Variants in DARS1 observed in about 807,000 individuals in gnomAD.
The protein encoded by DARS1 is aspartyl-tRNA synthetase 1.
Under a neutral mutation model 68.8 loss-of-function variants are expected in DARS1, and 51 were observed. The observed-to-expected ratio is 0.74, with a 90% CI of 0.59 to 0.94. The LOEUF (loss-of-function observed/expected upper bound fraction) is 0.94. Among genes scored for constraint, DARS1 ranks in the 40% least tolerant of loss-of-function variants. DARS1 has a pLI of 0.00. For synonymous variants in DARS1, 203 were observed against 190.4 expected (o/e 1.07, Z -0.55); for missense variants, 607 against 597.3 (o/e 1.02, Z -0.17).
chr2:135,975,551 T>C (rs920326310), intron 3 of DARS1, among the ~76,000 whole-genome samples: 1 of 151,986 alleles, frequency 6.6e-6, no homozygotes, highest in African/African-American at 2.4e-5. Context: ...CCCAGCACTT[T>C]GGGAGGTCGA....
intron 7 of DARS1, among the ~76,000 whole-genome samples, chr2:135,928,760 T>A (rs1681279098): frequency 6.6e-6 from 1 of 150,616 alleles, no homozygotes; most frequent in Admixed American, 6.7e-5. Flanking sequence ...AACCTCTGCC[T>A]CCCGAGTAGC....
chr2:135,985,214 G>A, intron 1 of DARS1, 189 bp downstream of exon 1: 4 of 937,238 alleles, frequency 4.3e-6, no homozygotes, highest in Non-Finnish European at 6.0e-6. Context: ...ACCCCCGCAA[G>A]AAACGCGGTC....
chr2:135,982,675 G>A (rs1364532775), intron 2 of DARS1, among the ~76,000 whole-genome samples: 3 of 152,032 alleles, frequency 2.0e-5, no homozygotes, highest in Non-Finnish European at 4.4e-5. Flanking sequence ...ATAGACTGGG[G>A]TCTAAGAATA....
chr2:135,923,427 C>T (rs1681148268), intron 8 of DARS1, among the ~76,000 whole-genome samples: 1 of 151,832 alleles, frequency 6.6e-6, no homozygotes, highest in Non-Finnish European at 1.5e-5. Flanking sequence ...GTAGCTGGGA[C>T]TACAGGCGTC....
intron 15 of DARS1, among the ~76,000 whole-genome samples, chr2:135,910,151 T>C (rs557037753): frequency 1.3e-5 from 2 of 152,286 alleles, no homozygotes; most frequent in South Asian, 4.1e-4. Flanking sequence ...CTCTTCAACA[T>C]GCTGATTTCA....
intron 15 of DARS1, among the ~76,000 whole-genome samples, chr2:135,909,823 A>G (rs1407323192): frequency 2.0e-5 from 3 of 152,190 alleles, no homozygotes; most frequent in Admixed American, 2.0e-4. Flanking sequence ...TCCTAATATG[A>G]AAATCCAAAA....
chr2:135,943,326 T>TTTC (rs746662947), intron 5 of DARS1, 52 bp downstream of exon 5: 5 of 1,581,364 alleles, frequency 3.2e-6, no homozygotes, highest in Non-Finnish European at 4.3e-6. Context: ...ATGAAAACTA[T>TTTC]TAGAACCCAA....
rs142558462 is a variant in DARS1 at position 135,951,379 on chromosome 2, TC to T, written c.321-7900del. ...TTTATTCCAGATTAATGGTGTCACTTCCACTTAGTTTCTCAAACCAGTAATT... is the reference window on the plus strand; with the variant it reads ...TTTATTCCAGATTAATGGTGTCACTTCACTTAGTTTCTCAAACCAGTAATT... On this transcript the variant is annotated intron_variant, in intron 4 of 15. Transcript: ENST00000264161. Among the ~76,000 whole-genome samples the T allele has an allele frequency of 1.4e-4, 21 of 152,336 alleles. No homozygotes were observed. The East Asian group carries it at 4.0e-3, about 29-fold the overall frequency.
At chr2:135,973,378 G>C (rs1682425405) in intron 3 of DARS1, among the ~76,000 whole-genome samples, 1 of 151,766 alleles carries the variant, frequency 6.6e-6, no homozygotes. Flanking sequence ...CAAAACAATT[G>C]AACTCATGGA....
At chr2:135,979,514 T>C (rs1682575771) in intron 2 of DARS1, 148 bp from the exon 3 acceptor site, 1 of 582,868 alleles carries the variant, frequency 1.7e-6, no homozygotes, top group East Asian at 2.9e-5. Flanking sequence ...GTCTTCTCTA[T>C]CATGTTCCAT....
In DARS1 at chr2:135,955,632, T is replaced by C. The variant is rs573522059; in HGVS notation, c.320+5764A>G. Among the ~76,000 whole-genome samples, 33 of 148,326 alleles carry C rather than the reference T, an allele frequency of 2.2e-4. No homozygotes were observed. In the East Asian group the frequency reaches 6.7e-3, roughly 30 times the overall value. Reference sequence around the variant, plus strand: ...GAACAAAAATAAATTAGGTAAGTACTTCAAAAAATAATAAAACCACCACCT... The same window carrying C: ...GAACAAAAATAAATTAGGTAAGTACCTCAAAAAATAATAAAACCACCACCT... On this transcript the variant is annotated intron_variant, in intron 4 of 15. Transcript: ENST00000264161.
At position 135,907,241 on chromosome 2, in the gene DARS1, T is replaced by G; in HGVS notation, c.*75A>C. On this transcript the variant is annotated 3_prime_UTR_variant, in exon 16 of 16. Transcript: ENST00000264161. ...TTACTGAAAAGAATAAGTGTGGCTT[T>G]CTTTTTTTTTTTTTTTTTTTGAGGC... 2.3e-6 allele frequency: 2 copies of G among 885,086 alleles called. No homozygotes were observed. The highest frequency in any genetic ancestry group is 3.4e-6 in the Non-Finnish European group (2 of 596,684). The allele number at this position is 885,086 out of a possible 1,614,324, so 54.8% of individuals were successfully genotyped here.
intron 10 of DARS1, among the ~76,000 whole-genome samples, chr2:135,918,533 C>T (rs983770536): frequency 6.6e-6 from 1 of 152,048 alleles, no homozygotes; most frequent in African/African-American, 2.4e-5. Context: ...GAAGAACATA[C>T]AAAGAAGGTT....
intron 5 of DARS1, among the ~76,000 whole-genome samples, chr2:135,940,798 C>G (rs1013981986): frequency 6.6e-6 from 1 of 152,184 alleles, no homozygotes; most frequent in African/African-American, 2.4e-5. Flanking sequence ...AGCTGATACG[C>G]AACTTCAGCA....
chr2:135,920,745 T>C (rs1681096231), intron 9 of DARS1, 145 bp from the exon 10 acceptor site: 6 of 1,082,238 alleles, frequency 5.5e-6, no homozygotes, highest in Non-Finnish European at 6.1e-6. Context: ...ATGAACCATC[T>C]GTTTGAGCAT....
chr2:135,924,113 G>T (rs1004826575), intron 8 of DARS1, among the ~76,000 whole-genome samples: 1 of 152,158 alleles, frequency 6.6e-6, no homozygotes, highest in Non-Finnish European at 1.5e-5. Context: ...AGTAGTTCCT[G>T]GTGTAAGTTC....
intron 4 of DARS1, among the ~76,000 whole-genome samples, chr2:135,950,727 C>T (rs1681822310): frequency 6.6e-6 from 1 of 152,104 alleles, no homozygotes; most frequent in Admixed American, 6.5e-5. Context: ...AGGCACAGCC[C>T]ATAAACCTCT....
chr2:135,928,770 C>T (rs1466794756), intron 7 of DARS1, among the ~76,000 whole-genome samples: 1 of 149,726 alleles, frequency 6.7e-6, no homozygotes, highest in Non-Finnish European at 1.5e-5. Context: ...TCCCGAGTAG[C>T]TGGGATTACA....
chr2:135,981,842 CT>C (rs1209999221), intron 2 of DARS1, among the ~76,000 whole-genome samples: 1 of 151,782 alleles, frequency 6.6e-6, no homozygotes, highest in African/African-American at 2.4e-5. Context: ...AATTTTTTTA[CT>C]TTCTGTAGAG....
Sources: allele counts gnomAD v4.1 joint callset (sites outside exome capture counted in the v4.1 genomes callset), GRCh38; gene constraint gnomAD v4.1.1; transcripts MANE v1.5; gene names NCBI Gene and HGNC (gene_info 2026-07-23, HGNC 2026-07-21).